CYYR1: variants seen among roughly 807,000 people sequenced by gnomAD.
CYYR1 encodes the protein cysteine and tyrosine rich 1, also known as cysteine and tyrosine-rich protein 1.
A neutral mutation model predicts 15.2 loss-of-function variants in CYYR1; 14 were observed. That is an observed-to-expected ratio of 0.92 (90% CI 0.61 to 1.44). The LOEUF is 1.44. Among genes scored for constraint, CYYR1 ranks in the 40% most tolerant of loss-of-function variants. CYYR1 has a pLI of 0.00. For synonymous variants in CYYR1, 80 were observed against 77.4 expected, an observed-to-expected ratio of 1.03 and a Z score of -0.18; for missense variants, 228 against 209.5, an observed-to-expected ratio of 1.09 and a Z score of -0.54.
In CYYR1 at chr21:26,480,327, C is replaced by T. The variant is rs775962889; in HGVS notation, c.279G>A (p.Ala93=). The T allele has an allele frequency of 8.1e-6, 13 of 1,613,352 alleles. No homozygotes were observed. Among genetic ancestry groups the T allele is most frequent in the East Asian group, 6.7e-5 (3 of 44,832 alleles). ...CICMCMKNHR[A]TRVGILRTTH... ...TCGTCCTGAGGATGCCCACGCGGGT[C>T]GCCCTGTGGTTCTTCATGCACATGC... is the stretch of plus-strand genomic sequence containing the variant. Residue 93 remains alanine (A), a synonymous_variant, in exon 3 of 4, where the codon GCG becomes GCA. Transcript: ENST00000652641.
intron 2 of CYYR1, chr21:26,552,133 T>C (rs1179213353): frequency 6.6e-6 from 1 of 152,256 alleles, no homozygotes; most frequent in Non-Finnish European, 1.5e-5. Flanking sequence ...TTAAGGTATG[T>C]ACATTGTTTT....
intron 2 of CYYR1, among the ~76,000 whole-genome samples, chr21:26,484,607 T>G (rs139188491): frequency 6.6e-6 from 1 of 152,218 alleles, no homozygotes; most frequent in African/African-American, 2.4e-5. Context: ...GAAACTTCCT[T>G]TATTGTAAGT....
chr21:26,549,522 A>G (rs1979226818), intron 2 of CYYR1, among the ~76,000 whole-genome samples: 1 of 152,154 alleles, frequency 6.6e-6, no homozygotes, highest in African/African-American at 2.4e-5. Flanking sequence ...TTAATGATCA[A>G]CCTTCTTAAT....
At chr21:26,529,629 C>T (rs1020397523) in intron 2 of CYYR1, among the ~76,000 whole-genome samples, 6 of 152,210 alleles carry the variant, frequency 3.9e-5, no homozygotes, top group Non-Finnish European at 8.8e-5. Flanking sequence ...TAGCATAGTG[C>T]ATATAAATGC....
chr21:26,496,042 G>A (rs219634), intron 2 of CYYR1, among the ~76,000 whole-genome samples: 126,661 of 152,172 alleles, frequency 0.83, 53,509 homozygotes, highest in Non-Finnish European at 0.88. Flanking sequence ...GAAGGCTGTG[G>A]TCCTCAACTC....
At chr21:26,555,527 A>G (rs1447466077) in intron 2 of CYYR1, among the ~76,000 whole-genome samples, 2 of 152,146 alleles carry the variant, frequency 1.3e-5, no homozygotes, top group African/African-American at 4.8e-5. Context: ...TTTTTGCCAG[A>G]TTTGTGCAAA....
chr21:26,493,785 C>G (rs1365986582), intron 2 of CYYR1, among the ~76,000 whole-genome samples: 2 of 152,134 alleles, frequency 1.3e-5, no homozygotes, highest in Non-Finnish European at 2.9e-5. Flanking sequence ...ATAAACTTTG[C>G]TTACTGTTGT....
intron 2 of CYYR1, among the ~76,000 whole-genome samples, chr21:26,521,296 C>A (rs755703527): frequency 3.9e-5 from 6 of 152,152 alleles, no homozygotes; most frequent in Non-Finnish European, 7.4e-5. Context: ...AATCAGCATC[C>A]TTGGTTTCCC....
intron 2 of CYYR1, among the ~76,000 whole-genome samples, chr21:26,499,304 A>G (rs1484849983): frequency 6.6e-6 from 1 of 151,796 alleles, no homozygotes; most frequent in Non-Finnish European, 1.5e-5. Flanking sequence ...AGACAGAAAA[A>G]GAGAAGGCCA....
At chr21:26,537,658 T>A (rs144387136) in intron 2 of CYYR1, among the ~76,000 whole-genome samples, 164 of 152,212 alleles carry the variant, frequency 1.1e-3, no homozygotes, top group African/African-American at 3.9e-3. Flanking sequence ...AACCTCCAAC[T>A]GCAGCAGGGT....
At chr21:26,558,777 T>C (rs917710420) in intron 2 of CYYR1, among the ~76,000 whole-genome samples, 1 of 152,244 alleles carries the variant, frequency 6.6e-6, no homozygotes, top group African/African-American at 2.4e-5. Flanking sequence ...CACAGCATTA[T>C]TCGTTTTGAG....
chr21:26,535,300 CTT>C (rs2123622226), intron 2 of CYYR1, among the ~76,000 whole-genome samples: 1 of 152,260 alleles, frequency 6.6e-6, no homozygotes, highest in South Asian at 2.1e-4. Context: ...AACTTTATCT[CTT>C]GATACAACTG....
chr21:26,542,294 T>C (rs57577537), intron 2 of CYYR1, among the ~76,000 whole-genome samples: 18,026 of 142,058 alleles, frequency 0.13, 1,259 homozygotes, highest in African/African-American at 0.21. Context: ...TGTGTGCGTG[T>C]GTGTGTGTGT....
intron 2 of CYYR1, among the ~76,000 whole-genome samples, chr21:26,514,794 C>T (rs369752316): frequency 9.9e-5 from 15 of 152,200 alleles, no homozygotes; most frequent in African/African-American, 3.1e-4. Flanking sequence ...TGCAAGGAAG[C>T]AGCATTATGC....
At chr21:26,559,489 T>C (rs1980049355) in intron 2 of CYYR1, among the ~76,000 whole-genome samples, 3 of 152,180 alleles carry the variant, frequency 2.0e-5, no homozygotes, top group Admixed American at 2.0e-4. Context: ...TGTTTTTTAG[T>C]AATCTTTTCT....
At chr21:26,532,188 C>T (rs2065940259) in intron 2 of CYYR1, among the ~76,000 whole-genome samples, 1 of 152,088 alleles carries the variant, frequency 6.6e-6, no homozygotes, top group African/African-American at 2.4e-5. Flanking sequence ...AGTTCATTCA[C>T]TGATGATGAA....
chr21:26,470,964 C>T (rs1466767386), intron 3 of CYYR1: 3 of 152,234 alleles, frequency 2.0e-5, no homozygotes, highest in Non-Finnish European at 4.4e-5. Context: ...GCCGAGAACA[C>T]AGCTCTGTAA....
At chr21:26,572,108 C>G (rs1425927397) in intron 1 of CYYR1, among the ~76,000 whole-genome samples, 3 of 152,180 alleles carry the variant, frequency 2.0e-5, no homozygotes, top group African/African-American at 7.2e-5. Flanking sequence ...GTTAGAGACA[C>G]AAAAACATTT....
At position 26,534,155 on chromosome 21, in the gene CYYR1, TG is replaced by T. The variant is rs920433437; in HGVS notation, c.176+32110del. Among the ~76,000 whole-genome samples, 7 of 152,328 alleles carry T rather than the reference TG, an allele frequency of 4.6e-5. No individual in the cohort carries two copies. In the South Asian group the frequency reaches 8.3e-4, roughly 18 times the overall value. Reference sequence around the variant, plus strand: ...AATACTGCTATGATATATTTGCATTTGTTTGTTTACCTGTCCAGTTTCTCAA... The same window carrying T: ...AATACTGCTATGATATATTTGCATTTTTTGTTTACCTGTCCAGTTTCTCAA... On this transcript the variant is annotated intron_variant, in intron 2 of 3. Coordinates refer to ENST00000652641, the MANE Select transcript of CYYR1 (RefSeq NM_001320768.2).
Sources: allele counts gnomAD v4.1 joint callset (sites outside exome capture counted in the v4.1 genomes callset), GRCh38; gene constraint gnomAD v4.1.1; transcripts MANE v1.5; gene names NCBI Gene and HGNC (gene_info 2026-07-23, HGNC 2026-07-21).